The following GABRB2 variants were observed in gnomAD, a reference collection of about 807,000 sequenced individuals.
GABRB2 encodes the protein gamma-aminobutyric acid type A receptor subunit beta2.
A neutral mutation model predicts 54.7 loss-of-function variants in GABRB2; 16 were observed. The ratio of observed to expected loss-of-function variants is 0.29; its 90% CI spans 0.20 to 0.44. GABRB2 has a LOEUF of 0.44. Ranked by LOEUF, GABRB2 falls within the 20% of genes least tolerant of loss-of-function variation. The probability of loss-of-function intolerance (pLI) is 1.00; values close to 1 mark genes in which losing one functional copy is unlikely to be tolerated. For missense variants in GABRB2, 355 were observed against 644.0 expected, an observed-to-expected ratio of 0.55 and a Z score of 4.86; for synonymous variants, 244 against 233.8, an observed-to-expected ratio of 1.04 and a Z score of -0.40.
intron 3 of GABRB2, among the ~76,000 whole-genome samples, chr5:161,517,572 A>T (rs1051420081): frequency 1.3e-5 from 2 of 151,758 alleles, no homozygotes; most frequent in Admixed American, 6.6e-5. Flanking sequence ...TTGAGGGGGG[A>T]CTGGTGTAAA....
chr5:161,456,736 C>T (rs941434775), intron 4 of GABRB2, among the ~76,000 whole-genome samples: 1 of 152,112 alleles, frequency 6.6e-6, no homozygotes, highest in Non-Finnish European at 1.5e-5. Flanking sequence ...CATGCTAAGT[C>T]TCTTAATGAG....
intron 3 of GABRB2, among the ~76,000 whole-genome samples, chr5:161,513,653 C>A (rs1206829341): frequency 6.6e-6 from 1 of 151,892 alleles, no homozygotes; most frequent in Admixed American, 6.6e-5. Context: ...CAATGGCTGG[C>A]AAGGGTTGAA....
chr5:161,393,695 C>T (rs1031159119), intron 5 of GABRB2, among the ~76,000 whole-genome samples: 2 of 151,992 alleles, frequency 1.3e-5, no homozygotes, highest in Admixed American at 6.6e-5. Flanking sequence ...TGAGAAAATT[C>T]ATCAGGAAGA....
At position 161,485,140 on chromosome 5, in the gene GABRB2, CCTGT is replaced by C. The variant is rs139488586; in HGVS notation, c.238-25300_238-25297del. Among the ~76,000 whole-genome samples the C allele has an allele frequency of 8.3e-3, 1,256 of 151,932 alleles. 75 individuals carry two copies. In the East Asian group the frequency reaches 0.15, roughly 19 times the overall value. ...ATATATACCACTTTCTATAGGAAGC[CCTGT>C]CTAAGGACGGACTCCTCACCTTCAC... On this transcript the variant is annotated intron_variant, in intron 3 of 9. Transcript: ENST00000393959.
intron 3 of GABRB2, among the ~76,000 whole-genome samples, chr5:161,540,264 A>G (rs1321386411): frequency 6.6e-6 from 1 of 152,248 alleles, no homozygotes; most frequent in Non-Finnish European, 1.5e-5. Context: ...CAGCGTCTTC[A>G]CCAAAAGTAG....
intron 3 of GABRB2, among the ~76,000 whole-genome samples, chr5:161,519,308 T>C (rs1278972742): frequency 9.9e-5 from 15 of 152,208 alleles, no homozygotes; most frequent in Non-Finnish European, 5.9e-5. Flanking sequence ...AATTGAAAAC[T>C]ACTTTGCTTG....
intron 3 of GABRB2, among the ~76,000 whole-genome samples, chr5:161,486,556 C>G (rs1424240412): frequency 6.6e-6 from 1 of 151,896 alleles, no homozygotes; most frequent in Non-Finnish European, 1.5e-5. Context: ...ACCATCTCAG[C>G]CTGGGCACAC....
intron 3 of GABRB2, among the ~76,000 whole-genome samples, chr5:161,485,784 C>T (rs112759806): frequency 2.6e-5 from 4 of 152,026 alleles, no homozygotes; most frequent in African/African-American, 9.6e-5. Flanking sequence ...AGACTCAATT[C>T]TGCAACTCCT....
At chr5:161,342,015 T>C (rs929901142) in intron 5 of GABRB2, among the ~76,000 whole-genome samples, 1 of 147,914 alleles carries the variant, frequency 6.8e-6, no homozygotes, top group Non-Finnish European at 1.5e-5. Flanking sequence ...AGGTGACTTA[T>C]TGTTCTCTCA....
intron 6 of GABRB2, 31 bp downstream of exon 6, chr5:161,336,601 T>C (rs779918240): frequency 1.9e-6 from 3 of 1,606,082 alleles, no homozygotes; most frequent in Non-Finnish European, 1.7e-6. Context: ...GTGAAGATTA[T>C]TTTCCCTTAA....
rs531796068 is a variant in GABRB2, at chr5:161,503,965, A to T, written c.237+41262T>A. ...GGAACATCTCTAAATATAAAGATGGACTGTCACAATGACAAAAACATCAAT... is the reference window on the plus strand; with the variant it reads ...GGAACATCTCTAAATATAAAGATGGTCTGTCACAATGACAAAAACATCAAT... On this transcript the variant is annotated intron_variant, in intron 3 of 9. Coordinates refer to ENST00000393959, the MANE Select transcript of GABRB2 (RefSeq NM_001371727.1). Among the ~76,000 whole-genome samples the T allele has an allele frequency of 8.5e-5, 13 of 152,334 alleles. No homozygotes were observed. The South Asian group carries it at 2.7e-3, about 32-fold the overall frequency.
At position 161,377,082 on chromosome 5, in the gene GABRB2, G is replaced by T. The variant is rs571391281; in HGVS notation, c.541+33893C>A. On this transcript the variant is annotated intron_variant, in intron 5 of 9. Coordinates refer to ENST00000393959, the MANE Select transcript of GABRB2 (RefSeq NM_001371727.1). ...AAGAAAAACTATTTTAACTATTTCT[G>T]CTCTGTATATGAAATAAAGCATTTA... 5.9e-5 allele frequency among the ~76,000 whole-genome samples: 9 copies of T among 152,206 alleles called. No homozygotes were observed. In the South Asian group the frequency reaches 1.9e-3, roughly 32 times the overall value.
intron 6 of GABRB2, among the ~76,000 whole-genome samples, chr5:161,335,386 A>G (rs1176292037): frequency 6.6e-6 from 1 of 152,108 alleles, no homozygotes; most frequent in Non-Finnish European, 1.5e-5. Flanking sequence ...GTTTTCACGT[A>G]TATGCTTCTT....
At chr5:161,444,376 C>T (rs1365527331) in intron 4 of GABRB2, among the ~76,000 whole-genome samples, 3 of 152,120 alleles carry the variant, frequency 2.0e-5, no homozygotes, top group Non-Finnish European at 4.4e-5. Flanking sequence ...AGTTCTGAGA[C>T]ATGTTTCTGA....
At chr5:161,546,921 G>T, upstream of GABRB2, 1 of 461,740 alleles carries the variant, frequency 2.2e-6, no homozygotes, top group South Asian at 4.3e-5. Flanking sequence ...AATTTTTGTT[G>T]TTATCCTTTC....
rs73316964 is a variant in GABRB2 at position 161,326,181 on chromosome 5, A to G, written c.1191+187T>C. On this transcript the variant is annotated intron_variant, in intron 9 of 9. Transcript: ENST00000393959. ...TGAAGCTTAGGTTCACCAAAGCTAT[A>G]CTGAAAAAGCAAACCTAGGAAAGTC... Among the ~76,000 whole-genome samples, 7,497 of 152,228 alleles carry G rather than the reference A, an allele frequency of 0.049. 499 individuals carry two copies. The highest frequency in any genetic ancestry group is 0.15 in the African/African-American group (6,027 of 41,510).
intron 4 of GABRB2, among the ~76,000 whole-genome samples, chr5:161,446,728 A>C (rs985148076): frequency 4.6e-5 from 7 of 152,112 alleles, no homozygotes; most frequent in Non-Finnish European, 8.8e-5. Context: ...TTTTGGATTG[A>C]GAGTCATTAG....
intron 5 of GABRB2, among the ~76,000 whole-genome samples, chr5:161,383,149 T>G (rs1755518886): frequency 6.6e-6 from 1 of 152,164 alleles, no homozygotes. Flanking sequence ...GGTTAATAAT[T>G]ATCATAATCA....
chr5:161,456,266 G>T (rs1757953317), intron 4 of GABRB2, among the ~76,000 whole-genome samples: 1 of 152,122 alleles, frequency 6.6e-6, no homozygotes, highest in African/African-American at 2.4e-5. Flanking sequence ...TATTTACAAA[G>T]ATCTTGCCTG....
Sources: gnomAD v4.1 joint callset for allele counts (sites outside exome capture counted in the v4.1 genomes callset) on GRCh38, gnomAD v4.1.1 for gene constraint, MANE v1.5 for transcripts, NCBI Gene and HGNC (gene_info 2026-07-23, HGNC 2026-07-21) for gene names.